The following CTBP2 variants were observed in gnomAD, a reference collection of about 807,000 sequenced individuals.
The protein encoded by CTBP2 is C-terminal binding protein 2.
CTBP2 carries 30 observed loss-of-function variants against 80.3 expected under a neutral mutation model. The ratio of observed to expected loss-of-function variants is 0.37; its 90% confidence interval spans 0.28 to 0.51. The LOEUF is 0.51. Ranked by LOEUF, CTBP2 falls within the 20% of genes least tolerant of loss-of-function variation. The probability of loss-of-function intolerance (pLI) is 0.93; values close to 1 mark genes in which losing one functional copy is unlikely to be tolerated. For missense variants in CTBP2, 1,212 were observed against 1,375.3 expected, an observed-to-expected ratio of 0.88 and a Z score of 1.88; for synonymous variants, 594 against 587.4, an observed-to-expected ratio of 1.01 and a Z score of -0.16.
chr10:125,031,346 G>A (rs529494294), upstream of CTBP2, among the ~76,000 whole-genome samples: 230 of 151,912 alleles, frequency 1.5e-3, no homozygotes, highest in African/African-American at 5.1e-3. Context: ...AAAATTAGCC[G>A]GGCGTGGTGG....
intron 2 of CTBP2, among the ~76,000 whole-genome samples, chr10:125,059,729 A>C (rs1028478457): frequency 6.6e-6 from 1 of 152,148 alleles, no homozygotes; most frequent in African/African-American, 2.4e-5. Flanking sequence ...ACACTGCATC[A>C]GTGGGCAGCT....
chr10:124,991,481 C>T (rs1043681767), intron 8 of CTBP2, among the ~76,000 whole-genome samples: 36 of 152,286 alleles, frequency 2.4e-4, no homozygotes, highest in Non-Finnish European at 3.7e-4. Flanking sequence ...GCCAAAAGGA[C>T]GGGGCTGGAT....
At chr10:124,995,856 A>G (rs753993858) in intron 4 of CTBP2, among the ~76,000 whole-genome samples, 2 of 151,960 alleles carry the variant, frequency 1.3e-5, no homozygotes, top group Non-Finnish European at 2.9e-5. Context: ...AACTGCTGGG[A>G]GCTCACACTT....
Position 125,044,253 on chromosome 10 carries a change from A to T in CTBP2, c.-101-5098T>A, listed in dbSNP as rs982352380. Among the ~76,000 whole-genome samples the T allele has an allele frequency of 2.0e-5, 3 of 152,174 alleles. No homozygotes were observed. In the South Asian group the frequency reaches 6.2e-4, roughly 31 times the overall value. ...GGCTCATCCAGGAGCCTGTGCGACCACTGTGCCAAGATGAGGAGACAGCAA... is the reference window on the plus strand; with the variant it reads ...GGCTCATCCAGGAGCCTGTGCGACCTCTGTGCCAAGATGAGGAGACAGCAA... On this transcript the variant is annotated intron_variant, in intron 2 of 10. Coordinates refer to the CTBP2 transcript ENST00000337195.
At chr10:125,104,900 T>C (rs1349210355) in intron 2 of CTBP2, among the ~76,000 whole-genome samples, 1 of 152,226 alleles carries the variant, frequency 6.6e-6, no homozygotes, top group Admixed American at 6.5e-5. Flanking sequence ...CAGCACGTCC[T>C]TCTTTCTCCC....
intron 2 of CTBP2, among the ~76,000 whole-genome samples, chr10:125,061,209 A>G (rs970452725): frequency 1.3e-5 from 2 of 152,262 alleles, no homozygotes; most frequent in Non-Finnish European, 2.9e-5. Flanking sequence ...TTGCTAAAGC[A>G]AACATCTTAT....
At chr10:125,064,787 G>A (rs751411655) in intron 2 of CTBP2, among the ~76,000 whole-genome samples, 1 of 152,158 alleles carries the variant, frequency 6.6e-6, no homozygotes, top group Non-Finnish European at 1.5e-5. Flanking sequence ...TGAGATGTGG[G>A]GATTCAGCCC....
intron 2 of CTBP2, among the ~76,000 whole-genome samples, chr10:125,097,028 ATAAAACTGTCTTCT>A (rs1849648365): frequency 6.6e-6 from 1 of 152,238 alleles, no homozygotes; most frequent in Non-Finnish European, 1.5e-5. Flanking sequence ...CTCTCAGTAT[ATAAAACTGTCTTCT>A]CTTCACATAA....
chr10:125,036,272 C>G (rs998178030), intron 3 of CTBP2, among the ~76,000 whole-genome samples: 6 of 152,184 alleles, frequency 3.9e-5, no homozygotes, highest in African/African-American at 1.4e-4. Flanking sequence ...GGGTGATGCT[C>G]AGATTCCAGC....
intron 1 of CTBP2, among the ~76,000 whole-genome samples, chr10:125,133,855 T>C (rs1856559178): frequency 6.6e-6 from 1 of 152,176 alleles, no homozygotes; most frequent in Non-Finnish European, 1.5e-5. Flanking sequence ...GGGAAGTGCC[T>C]CATTCCTATT....
intron 2 of CTBP2, among the ~76,000 whole-genome samples, chr10:125,092,286 G>A (rs1186647465): frequency 2.0e-5 from 3 of 150,516 alleles, no homozygotes. Flanking sequence ...TGCCTTCTGG[G>A]GTCAAGAGAT....
intron 2 of CTBP2, among the ~76,000 whole-genome samples, chr10:125,044,911 C>T (rs1379566503): frequency 1.3e-5 from 2 of 152,172 alleles, no homozygotes; most frequent in Admixed American, 6.5e-5. Flanking sequence ...TAAAACTGTA[C>T]TTTAAAGGAA....
rs145596164 is a variant in CTBP2, at chr10:125,120,491, A to T, written c.-205-9398T>A. Among the ~76,000 whole-genome samples, 12 of 152,164 alleles carry T rather than the reference A, an allele frequency of 7.9e-5. No homozygotes were observed. In the East Asian group the frequency reaches 2.3e-3, roughly 29 times the overall value. On this transcript the variant is annotated intron_variant, in intron 1 of 10. Transcript: ENST00000337195. The stretch of plus-strand genomic sequence containing the variant: ...AACTTGCACCTCCCAGGTTCAAGTG[A>T]TTCTCTTGCCTCAGCCTCCTGAGTA...
Position 125,148,522 on chromosome 10 carries a change from T to C in CTBP2, c.-206+11797A>G, listed in dbSNP as rs184918536. On this transcript the variant is annotated intron_variant, in intron 1 of 10. Coordinates refer to the CTBP2 transcript ENST00000337195. ...GCTGAGAAATATTTTAAAAGACTGC[T>C]CTGAGGGGCCAAGTAACATACGGGA... Among the ~76,000 whole-genome samples the C allele has an allele frequency of 3.5e-4, 54 of 152,290 alleles. 1 individual carries two copies. The South Asian group carries it at 7.9e-3, about 22-fold the overall frequency.
chr10:125,022,301 C>T lies in CTBP2; in HGVS notation c.1678+3781G>A, dbSNP rs576646959. On this transcript the variant is annotated intron_variant, in intron 1 of 8. Transcript: ENST00000309035. ...AGGCCCCATCTTGGTGCCTGCTATACATAGTCACAGTTAACTGTCCTTTTA... is the reference window on the plus strand; with the variant it reads ...AGGCCCCATCTTGGTGCCTGCTATATATAGTCACAGTTAACTGTCCTTTTA... Among the ~76,000 whole-genome samples, 9 of 152,358 alleles carry T rather than the reference C, an allele frequency of 5.9e-5. No individual in the cohort carries two copies. In the South Asian group the frequency reaches 1.9e-3, roughly 32 times the overall value.
Position 124,987,244 on chromosome 10 carries a change from A to G in CTBP2, c.*2274T>C, listed in dbSNP as rs1382016332. On this transcript the variant is annotated 3_prime_UTR_variant, in exon 9 of 9. Coordinates refer to ENST00000309035, the MANE Select transcript of CTBP2 (RefSeq NM_022802.3). ...GATTATACGTGGCTAGGTGACAGAC[A>G]TTAATGACTGACTCTGGAGAGTAAG... The G allele has an allele frequency of 1.3e-5, 2 of 152,614 alleles. No individual in the cohort carries two copies. Among genetic ancestry groups the G allele is most frequent in the Non-Finnish European group, 2.9e-5 (2 of 68,034 alleles). The allele number at this position is 152,614 out of a possible 1,614,324, so 9.5% of individuals were successfully genotyped here. A position where few individuals can be genotyped will look rare whatever the true frequency, so the allele number is the denominator to read the frequency against.
At chr10:125,133,951 T>C (rs1396360793) in intron 1 of CTBP2, among the ~76,000 whole-genome samples, 1 of 152,204 alleles carries the variant, frequency 6.6e-6, no homozygotes, top group Admixed American at 6.5e-5. Context: ...AGCTTCTTTC[T>C]GCATGGGTGA....
At chr10:124,996,027 C>G (rs969768315) in intron 4 of CTBP2, 1 of 150,692 alleles carries the variant, frequency 6.6e-6, no homozygotes, top group Non-Finnish European at 1.5e-5. Flanking sequence ...AGATTTGAAC[C>G]GTGCCGACGG....
chr10:125,043,903 T>C (rs940674335), intron 2 of CTBP2, among the ~76,000 whole-genome samples: 8 of 152,236 alleles, frequency 5.3e-5, no homozygotes, highest in African/African-American at 1.4e-4. Flanking sequence ...AGGAAATCTA[T>C]TTAAACATTC....
Sources: allele counts gnomAD v4.1 joint callset (sites outside exome capture counted in the v4.1 genomes callset), GRCh38; gene constraint gnomAD v4.1.1; transcripts MANE v1.5; gene names NCBI Gene and HGNC (gene_info 2026-07-23, HGNC 2026-07-21).